Variants in FAT3 observed in about 807,000 individuals in gnomAD.
FAT3 encodes the protein protocadherin Fat 3.
FAT3 carries 95 observed loss-of-function variants against 310.2 expected under a neutral mutation model. The observed-to-expected ratio is 0.31, with a 90% CI of 0.26 to 0.36. FAT3 has a LOEUF of 0.36. FAT3 is among the 10% of genes least tolerant of loss of function. The pLI is 1.00. For missense variants in FAT3, 5,408 were observed against 5,715.6 expected (o/e 0.95, Z 1.74); for synonymous variants, 2,314 against 2,192.9 (o/e 1.06, Z -1.54).
At chr11:92,633,829 A>G (rs1941650967) in intron 3 of FAT3, among the ~76,000 whole-genome samples, 1 of 152,164 alleles carries the variant, frequency 6.6e-6, no homozygotes, top group African/African-American at 2.4e-5. Context: ...AAAATTGAGC[A>G]TGTCAGGGTT....
At chr11:92,691,319 T>C (rs1943792996) in intron 3 of FAT3, among the ~76,000 whole-genome samples, 1 of 152,178 alleles carries the variant, frequency 6.6e-6, no homozygotes, top group African/African-American at 2.4e-5. Flanking sequence ...ACTTTGCCAA[T>C]GCTCCACATC....
chr11:92,596,715 G>C (rs1341224933), intron 3 of FAT3, among the ~76,000 whole-genome samples: 1 of 152,116 alleles, frequency 6.6e-6, no homozygotes, highest in East Asian at 1.9e-4. Flanking sequence ...TCTCTGTCAG[G>C]CTTCAATTTT....
At chr11:92,447,723 C>T (rs79598520) in intron 2 of FAT3, among the ~76,000 whole-genome samples, 2,397 of 152,118 alleles carry the variant, frequency 0.016, 77 homozygotes, top group African/African-American at 0.055. Context: ...TACTGCTGTG[C>T]GCCAAGACCA....
At chr11:92,744,902 G>T (rs921451630) in intron 4 of FAT3, among the ~76,000 whole-genome samples, 6 of 152,160 alleles carry the variant, frequency 3.9e-5, no homozygotes, top group Non-Finnish European at 7.3e-5. Flanking sequence ...ATTTAGGTAG[G>T]CAAGGTGTTA....
chr11:92,854,617 T>A (rs1948922407), intron 19 of FAT3, among the ~76,000 whole-genome samples: 1 of 152,256 alleles, frequency 6.6e-6, no homozygotes, highest in Admixed American at 6.5e-5. Flanking sequence ...TGTTCTGAAA[T>A]ACAGAGTTTA....
rs145159606 is a variant in FAT3, at chr11:92,618,392, G to T, written c.3608-78992G>T. On this transcript the variant is annotated intron_variant, in intron 3 of 27. Transcript: ENST00000525166. ...GATACCATCTGTCATGGCTTTCCTT[G>T]GCTAGGAAAGGGAATTCCCTGACCC... 3.5e-3 allele frequency among the ~76,000 whole-genome samples: 536 copies of T among 152,260 alleles called. 3 individuals carry two copies. Among genetic ancestry groups the T allele is most frequent in the African/African-American group, 0.012 (513 of 41,560 alleles).
intron 2 of FAT3, among the ~76,000 whole-genome samples, chr11:92,404,059 A>G (rs952038175): frequency 8.6e-5 from 13 of 152,008 alleles, no homozygotes; most frequent in Admixed American, 7.9e-4. Context: ...AGAAAGAGAA[A>G]GAAAGGAGGG....
intron 3 of FAT3, among the ~76,000 whole-genome samples, chr11:92,618,304 G>A (rs1940916831): frequency 1.3e-5 from 2 of 152,204 alleles, no homozygotes; most frequent in African/African-American, 4.8e-5. Context: ...ATCTCCTGGT[G>A]TGCCATTTGC....
intron 4 of FAT3, among the ~76,000 whole-genome samples, chr11:92,722,698 C>T (rs961425981): frequency 1.3e-5 from 2 of 152,210 alleles, no homozygotes; most frequent in African/African-American, 4.8e-5. Context: ...TTCTCTATAT[C>T]TTCTGAAATC....
chr11:92,656,443 A>G (rs958589332), intron 3 of FAT3, among the ~76,000 whole-genome samples: 2 of 152,182 alleles, frequency 1.3e-5, no homozygotes, highest in African/African-American at 2.4e-5. Flanking sequence ...CATTCTCAAA[A>G]ACAAATATGT....
chr11:92,693,361 GTGTAA>G (rs1203474178), intron 3 of FAT3, among the ~76,000 whole-genome samples: 13 of 152,224 alleles, frequency 8.5e-5, no homozygotes, highest in African/African-American at 3.1e-4. Flanking sequence ...ACAGTTACAT[GTGTAA>G]TGCACACACC....
intron 3 of FAT3, among the ~76,000 whole-genome samples, chr11:92,671,840 T>A (rs1269422553): frequency 6.6e-6 from 1 of 152,208 alleles, no homozygotes; most frequent in East Asian, 1.9e-4. Flanking sequence ...GTGCAGTGGC[T>A]TACGCCTGTA....
rs1297912210 is a variant in FAT3 at position 92,442,099 on chromosome 11, ATATATATATATATTTT to A, written c.3293-82533_3293-82518del. On this transcript the variant is annotated intron_variant, in intron 2 of 27. Transcript: ENST00000525166. ...ATATATTTTATATATATATATATAT[ATATATATATATATTTT>A]TTTTTTTTTTTTTTTTGAGATGGAG... Among the ~76,000 whole-genome samples the A allele has an allele frequency of 5.9e-4, 25 of 42,632 alleles. 2 individuals carry two copies. Among genetic ancestry groups the A allele is most frequent in the African/African-American group, 2.9e-3 (21 of 7,354 alleles). The allele number at this position is 42,632 out of a possible 152,430, so 28.0% of individuals were successfully genotyped here. A position where few individuals can be genotyped will look rare whatever the true frequency, so the allele number is the denominator to read the frequency against.
At chr11:92,547,086 A>C (rs1022235900) in intron 3 of FAT3, among the ~76,000 whole-genome samples, 2 of 152,140 alleles carry the variant, frequency 1.3e-5, no homozygotes, top group East Asian at 1.9e-4. Context: ...AGGGAGTGAA[A>C]TGTGGCTGGT....
intron 4 of FAT3, among the ~76,000 whole-genome samples, chr11:92,751,053 G>A (rs1591683038): frequency 6.6e-6 from 1 of 152,294 alleles, no homozygotes; most frequent in East Asian, 1.9e-4. Flanking sequence ...CTGTATAATT[G>A]CCATCCCTGC....
At chr11:92,455,415 G>C (rs184162518) in intron 2 of FAT3, among the ~76,000 whole-genome samples, 2 of 152,040 alleles carry the variant, frequency 1.3e-5, no homozygotes, top group South Asian at 2.1e-4. Flanking sequence ...GTGCGGTGTC[G>C]GCTGATATCA....
At chr11:92,889,781 T>C (rs1949875591) in intron 26 of FAT3, 75 bp from the exon 27 acceptor site, 1 of 713,190 alleles carries the variant, frequency 1.4e-6, no homozygotes, top group Non-Finnish European at 2.6e-6. Context: ...TTAAAAGTCA[T>C]CTCAAATGTT....
chr11:92,320,729 T>G (rs1307861964), intron 1 of FAT3, among the ~76,000 whole-genome samples: 2 of 151,756 alleles, frequency 1.3e-5, no homozygotes, highest in African/African-American at 4.8e-5. Context: ...AATTAGCTGG[T>G]CATGGTGGCA....
intron 6 of FAT3, among the ~76,000 whole-genome samples, chr11:92,767,118 G>A (rs764332767): frequency 2.6e-5 from 4 of 151,904 alleles, no homozygotes; most frequent in South Asian, 2.1e-4. Flanking sequence ...GCATGATGGC[G>A]GGCGCCTGTA....
Sources: allele counts gnomAD v4.1 joint callset (sites outside exome capture counted in the v4.1 genomes callset), GRCh38; gene constraint gnomAD v4.1.1; transcripts MANE v1.5; gene names NCBI Gene and HGNC (gene_info 2026-07-23, HGNC 2026-07-21).